Variants in LARP1 observed in about 807,000 individuals in gnomAD.
LARP1 encodes la-related protein 1.
Under a neutral mutation model 122.7 loss-of-function variants are expected in LARP1, and 36 were observed. That is an observed-to-expected ratio of 0.29 (90% confidence interval 0.22 to 0.39). The LOEUF is 0.39. Ranked by LOEUF, LARP1 falls within the 10% of genes least tolerant of loss-of-function variation. The pLI is 1.00. For missense variants in LARP1, 1,040 were observed against 1,403.6 expected (o/e 0.74, Z 4.14); for synonymous variants, 539 against 528.7 (o/e 1.02, Z -0.27).
chr5:154,814,004 A>C lies in LARP1; in HGVS notation c.3199A>C (p.Ser1067Arg), dbSNP rs1345301601. 9 of 1,613,928 alleles carry C rather than the reference A, an allele frequency of 5.6e-6. No individual in the cohort carries two copies. Among genetic ancestry groups the C allele is most frequent in the Non-Finnish European group, 6.8e-6 (8 of 1,179,998 alleles). ...TTCCAGCAGGCCTGCTGCCATGATC[A>C]GCCAACCCCCTACACCACCCACCGG... Reference protein sequence around the residue: ...QSSSRPAAMISQPPTPPTGQP... With the variant: ...QSSSRPAAMIRQPPTPPTGQP... The change falls in exon 19 of 19, where the codon AGC (serine) becomes CGC (arginine). Residue 1067 changes from serine to arginine, a missense_variant. Ser to Arg is a moderately radical substitution (Grantham distance 110). Transcript: ENST00000518297.
chr5:154,720,194 ATAATAATAATAATAG>A (rs1755775535), intron 1 of LARP1, among the ~76,000 whole-genome samples: 1 of 134,160 alleles, frequency 7.5e-6, no homozygotes, highest in African/African-American at 2.5e-5. Context: ...CTGTCTCAAA[ATAATAATAATAATAG>A]TAATAATAAT....
chr5:154,751,385 G>A (rs563582183), upstream of LARP1, among the ~76,000 whole-genome samples: 1 of 152,294 alleles, frequency 6.6e-6, no homozygotes, highest in African/African-American at 2.4e-5. Flanking sequence ...CATAGTAGGG[G>A]CTCAGTAGAC....
chr5:154,745,296 T>C (rs1753131063), intron 1 of LARP1, among the ~76,000 whole-genome samples: 1 of 152,158 alleles, frequency 6.6e-6, no homozygotes. Flanking sequence ...ATAAAACACC[T>C]CATCTTTCTG....
At chr5:154,759,769 A>G (rs1257670793) in intron 1 of LARP1, among the ~76,000 whole-genome samples, 1 of 151,976 alleles carries the variant, frequency 6.6e-6, no homozygotes, top group African/African-American at 2.4e-5. Context: ...TCAGGTACCC[A>G]TACAACCATG....
intron 10 of LARP1, among the ~76,000 whole-genome samples, chr5:154,800,437 C>T (rs1223297454): frequency 6.6e-6 from 1 of 152,078 alleles, no homozygotes; most frequent in African/African-American, 2.4e-5. Context: ...CCCCTTAGGT[C>T]CTCAGAAGAA....
intron 1 of LARP1, among the ~76,000 whole-genome samples, chr5:154,695,274 T>C (rs1754417241): frequency 7.2e-5 from 11 of 151,954 alleles, no homozygotes; most frequent in Admixed American, 6.6e-4. Context: ...ATCGCCTCAC[T>C]GCACTCCAGC....
Position 154,794,211 on chromosome 5 carries a change from AG to A in LARP1, c.1182del (p.Glu394AspfsTer27). The A allele has an allele frequency of 6.2e-7, 1 of 1,614,174 alleles. No individual in the cohort carries two copies. Among genetic ancestry groups the A allele is most frequent in the Non-Finnish European group, 8.5e-7 (1 of 1,180,036 alleles). On this transcript the variant is annotated frameshift_variant, in exon 7 of 19. Transcript: ENST00000518297. LOFTEE classifies it high-confidence loss of function. Reference protein sequence around the residue: ...TYYFDNVSSTELYSVDQELLK... With the variant: ...TYYFDNVSSTXLYSVDQELLK... ...TACTTTGACAATGTCAGCAGCACCG[AG>A]CTTTACAGTGTGGATCAGGAACTGC... is the stretch of plus-strand genomic sequence containing the variant.
At chr5:154,743,316 A>T (rs9324795) in intron 1 of LARP1, among the ~76,000 whole-genome samples, 132,740 of 150,394 alleles carry the variant, frequency 0.88, 59,270 homozygotes, top group African/African-American at 0.97. Flanking sequence ...TTATTTATTT[A>T]TTTTTTTTTG....
At chr5:154,743,862 C>T (rs191871762) in intron 1 of LARP1, among the ~76,000 whole-genome samples, 59 of 152,268 alleles carry the variant, frequency 3.9e-4, no homozygotes, top group Non-Finnish European at 2.1e-4. Flanking sequence ...TCAAGTGAAT[C>T]GCCTGCCTTG....
intron 1 of LARP1, among the ~76,000 whole-genome samples, chr5:154,740,624 C>A (rs777203429): frequency 2.0e-5 from 3 of 152,188 alleles, no homozygotes; most frequent in Non-Finnish European, 2.9e-5. Context: ...GAATTCCACC[C>A]AGGCAGCCTG....
chr5:154,776,885 A>T (rs1245363442), intron 1 of LARP1, among the ~76,000 whole-genome samples: 1 of 152,258 alleles, frequency 6.6e-6, no homozygotes, highest in Non-Finnish European at 1.5e-5. Flanking sequence ...CTTTTGGAAC[A>T]GCTCTGCTAT....
chr5:154,808,555 A>T lies in LARP1; in HGVS notation c.2795A>T (p.Tyr932Phe), dbSNP rs192241783. 1 of 1,613,806 alleles carries T rather than the reference A, an allele frequency of 6.2e-7. No homozygotes were observed. Residue 932 changes from tyrosine (Y) to phenylalanine (F), a missense_variant, in exon 16 of 19, where the codon TAT becomes TTT. Physicochemically the swap from Tyr to Phe is conservative, Grantham distance 22. This residue lies in a region of LARP1 where 59 missense variants were observed against 137.2 expected (regional missense o/e 0.43). Coordinates refer to ENST00000518297, the MANE Select transcript of LARP1 (RefSeq NM_033551.3). ...CGAGATCACTTCAACAAAAAGATGT[A>T]TGAGGAGTTCAAGCAGCTGGCTCTG... ...FLRDHFNKKM[Y>F]EEFKQLALED...
At position 154,793,675 on chromosome 5, in the gene LARP1, C is replaced by T. The variant is rs1432396351; in HGVS notation, c.820C>T (p.Arg274Cys). 12 of 1,614,068 alleles carry T rather than the reference C, an allele frequency of 7.4e-6. No individual in the cohort carries two copies. The highest frequency in any genetic ancestry group is 3.3e-5 in the Admixed American group (2 of 60,012). The change falls in exon 5 of 19, where the codon CGC becomes TGC. Residue 274 changes from arginine (R) to cysteine (C), a missense_variant. By Grantham distance (180) the Arg-to-Cys change is radical. Coordinates refer to ENST00000518297, the MANE Select transcript of LARP1 (RefSeq NM_033551.3). Reference sequence around the variant, plus strand: ...AGAGAAACTGGCTTCACGCCCCACTCGCCCACCGGAGCCTAGACACATACC... The same window carrying T: ...AGAGAAACTGGCTTCACGCCCCACTTGCCCACCGGAGCCTAGACACATACC... ...PREKLASRPT[R>C]PPEPRHIPAN...
At chr5:154,808,412 G>A (rs751080612) in intron 15 of LARP1, 47 bp from the exon 16 acceptor site, 1 of 1,590,294 alleles carries the variant, frequency 6.3e-7, no homozygotes, top group South Asian at 1.1e-5. Context: ...CTGAAGCAAG[G>A]GCAGCCTGAA....
chr5:154,806,060 G>A (rs774404495), intron 15 of LARP1, 28 bp downstream of exon 15: 20 of 1,609,358 alleles, frequency 1.2e-5, no homozygotes, highest in Admixed American at 1.7e-5. Context: ...CAGGAGATGA[G>A]CCTCTGGGCC....
chr5:154,694,982 G>A (rs980365185), intron 1 of LARP1, among the ~76,000 whole-genome samples: 6 of 151,842 alleles, frequency 4.0e-5, no homozygotes, highest in Non-Finnish European at 5.9e-5. Context: ...GATTACAGGC[G>A]TGAGCCACTG....
chr5:154,775,974 T>C (rs1755848700), intron 1 of LARP1, among the ~76,000 whole-genome samples: 1 of 152,198 alleles, frequency 6.6e-6, no homozygotes. Flanking sequence ...CTGAGGTAAA[T>C]GCCTAGTAAG....
At chr5:154,728,887 G>A (rs1051936684) in intron 1 of LARP1, among the ~76,000 whole-genome samples, 1 of 152,180 alleles carries the variant, frequency 6.6e-6, no homozygotes, top group Non-Finnish European at 1.5e-5. Flanking sequence ...TCACTGTGGT[G>A]CCCTGCCAGG....
chr5:154,806,042 G>A lies in LARP1; in HGVS notation c.2698+10G>A, dbSNP rs778073359. On this transcript the variant is annotated intron_variant, in intron 15 of 18. Coordinates refer to ENST00000518297, the MANE Select transcript of LARP1 (RefSeq NM_033551.3). ...AGGCGCTGCCTTAATGGTAAGAAGT[G>A]TGGGGGGCAGGAGATGAGCCTCTGG... The A allele has an allele frequency of 6.2e-7, 1 of 1,613,394 alleles. No homozygotes were observed. Among genetic ancestry groups the A allele is most frequent in the Non-Finnish European group, 8.5e-7 (1 of 1,179,634 alleles).
Sources: allele counts gnomAD v4.1 joint callset (sites outside exome capture counted in the v4.1 genomes callset), GRCh38; gene constraint gnomAD v4.1.1; regional missense constraint gnomAD v4.1.1; transcripts MANE v1.5; gene names NCBI Gene and HGNC (gene_info 2026-07-23, HGNC 2026-07-21).